CHI3L2: variants seen among roughly 807,000 people sequenced by gnomAD.
CHI3L2 encodes chitinase 3 like 2, also known as chitinase-3-like protein 2.
In CHI3L2, 47 loss-of-function variants were observed where a neutral mutation model predicts 47.3. The observed-to-expected ratio is 0.99, with a 90% confidence interval of 0.79 to 1.27. The LOEUF (loss-of-function observed/expected upper bound fraction) is 1.27. CHI3L2 is among the 50% of genes most tolerant of loss of function. The pLI, the probability that CHI3L2 is intolerant of heterozygous loss-of-function variation, is 0.00. For missense variants in CHI3L2, 497 were observed against 462.1 expected (o/e 1.08, Z -0.69); for synonymous variants, 198 against 169.9 (o/e 1.17, Z -1.28).
chr1:111,235,681 A>C lies in CHI3L2; in HGVS notation c.523A>C (p.Lys175Gln). The change falls in exon 6 of 11, where the codon AAG (lysine) becomes CAG (glutamine). Residue 175 changes from lysine to glutamine, a missense_variant. Transcript: ENST00000369748. ...AFQKDFTKST[K>Q]ERLLLTAGVS... ...TCAGAAGGACTTCACAAAATCCACCAAGGAAAGGCTTCTCTTGACTGCGGG... is the reference window on the plus strand; with the variant it reads ...TCAGAAGGACTTCACAAAATCCACCCAGGAAAGGCTTCTCTTGACTGCGGG... 6.2e-7 allele frequency: 1 copy of C among 1,614,210 alleles called. No individual in the cohort carries two copies. Among genetic ancestry groups the C allele is most frequent in the Non-Finnish European group, 8.5e-7 (1 of 1,180,016 alleles).
chr1:111,238,345 T>A (rs1659942808), intron 7 of CHI3L2, among the ~76,000 whole-genome samples: 2 of 152,186 alleles, frequency 1.3e-5, no homozygotes, highest in Admixed American at 1.3e-4. Flanking sequence ...GGGTGCAAGG[T>A]CATTGTGAGG....
intron 9 of CHI3L2, among the ~76,000 whole-genome samples, 162 bp downstream of exon 9, chr1:111,241,605 C>T (rs2182114): frequency 0.25 from 37,915 of 152,086 alleles, 5,582 homozygotes; most frequent in Non-Finnish European, 0.34. Flanking sequence ...CTCTATGTCA[C>T]ACCCGCGAGC....
At chr1:111,230,149 A>G (rs145482943) in intron 2 of CHI3L2, among the ~76,000 whole-genome samples, 4 of 152,248 alleles carry the variant, frequency 2.6e-5, no homozygotes, top group African/African-American at 9.6e-5. Flanking sequence ...TGTTTGTATT[A>G]TCTGTTTCTC....
At chr1:111,227,904 C>T (rs1659573102) in intron 1 of CHI3L2, 135 bp downstream of exon 1, 2 of 841,310 alleles carry the variant, frequency 2.4e-6, no homozygotes. Context: ...AAATTTCAAG[C>T]CAATGCAACT....
chr1:111,230,998 G>A (rs766506542), intron 3 of CHI3L2, 55 bp downstream of exon 3: 5 of 1,401,944 alleles, frequency 3.6e-6, no homozygotes, highest in Non-Finnish European at 5.0e-6. Context: ...AGGGAAGCTG[G>A]TCTTAAGCTG....
Position 111,235,706 on chromosome 1 carries a change from G to A in CHI3L2, c.548G>A (p.Gly183Asp), listed in dbSNP as rs151245802. The A allele has an allele frequency of 3.6e-4, 587 of 1,614,094 alleles. 1 individual carries two copies. Among genetic ancestry groups the A allele is most frequent in the Non-Finnish European group, 3.3e-4 (395 of 1,180,032 alleles). ...AAGGAAAGGCTTCTCTTGACTGCGG[G>A]CGTATCTGCAGGGAGGCAAATGATT... ...STKERLLLTA[G>D]VSAGRQMIDN... The change falls in exon 6 of 11, where the codon GGC becomes GAC. Residue 183 changes from glycine to aspartate, a missense_variant. Transcript: ENST00000369748.
In CHI3L2 at chr1:111,227,768, A is replaced by G. The variant is rs764064300; in HGVS notation, c.39A>G (p.Ala13=). The G allele has an allele frequency of 7.4e-6, 12 of 1,614,152 alleles. No individual in the cohort carries two copies. The South Asian group carries it at 1.3e-4, about 18-fold the overall frequency. Residue 13 remains alanine, a splice_region_variant and synonymous_variant, in exon 1 of 11, where the codon GCA becomes GCG. Coordinates refer to ENST00000369748, the MANE Select transcript of CHI3L2 (RefSeq NM_004000.3). ...CCATGGACCAGAAGTCTCTCTGGGC[A>G]GGTGAGCATGGGGTTGATAATTCAG... ...ATTMDQKSLW[A]GVVVLLLLQG...
At chr1:111,227,677 C>G, upstream of CHI3L2, 1 of 1,577,764 alleles carries the variant, frequency 6.3e-7, no homozygotes, top group Non-Finnish European at 8.7e-7. Context: ...GTCGAAACCT[C>G]AGTGGATAAA....
chr1:111,229,862 C>G lies in CHI3L2; in HGVS notation c.51C>G (p.Val17=), dbSNP rs781315999. The change falls in exon 2 of 11, where the codon GTC becomes GTG. Residue 17 remains valine (V), a synonymous_variant. Transcript: ENST00000369748. Reference sequence around the variant, plus strand: ...ACCCATCTATTGCAGGTGTAGTGGTCTTGCTGCTTCTCCAGGGAGGTAAGT... The same window carrying G: ...ACCCATCTATTGCAGGTGTAGTGGTGTTGCTGCTTCTCCAGGGAGGTAAGT... The part of the protein sequence containing the change: ...DQKSLWAGVV[V]LLLLQGGSAY... The G allele has an allele frequency of 1.2e-6, 2 of 1,613,836 alleles. No homozygotes were observed. Among genetic ancestry groups the G allele is most frequent in the Non-Finnish European group, 1.7e-6 (2 of 1,179,892 alleles).
At chr1:111,235,601 A>G (rs1659856296) in intron 5 of CHI3L2, 38 bp from the exon 6 acceptor site, 1 of 1,602,226 alleles carries the variant, frequency 6.2e-7, no homozygotes, top group Admixed American at 1.7e-5. Flanking sequence ...GTACTCTGGG[A>G]AGGGGAATAT....
At chr1:111,233,038 A>C (rs1421788125) in intron 4 of CHI3L2, among the ~76,000 whole-genome samples, 2 of 152,208 alleles carry the variant, frequency 1.3e-5, no homozygotes, top group Non-Finnish European at 2.9e-5. Context: ...AGGTATTGTA[A>C]GAGGTGAAAA....
intron 1 of CHI3L2, 44 bp from the exon 2 acceptor site, chr1:111,229,808 C>A (rs1223954179): frequency 6.2e-7 from 1 of 1,612,204 alleles, no homozygotes; most frequent in East Asian, 2.2e-5. Flanking sequence ...ACAGCAGAAC[C>A]AGGTTTGGCT....
At chr1:111,236,280 G>A (rs911334146) in intron 7 of CHI3L2, 127 bp downstream of exon 7, 4 of 1,005,968 alleles carry the variant, frequency 4.0e-6, no homozygotes, top group Non-Finnish European at 5.8e-6. Context: ...GAATTGGGTA[G>A]CCCCAGGAGC....
At chr1:111,231,318 G>A in intron 4 of CHI3L2, 24 bp downstream of exon 4, 1 of 1,536,162 alleles carries the variant, frequency 6.5e-7, no homozygotes, top group Non-Finnish European at 9.0e-7. Context: ...TTTATTTTTT[G>A]TTCATTTCCC....
At chr1:111,236,940 G>T (rs896285020) in intron 7 of CHI3L2, among the ~76,000 whole-genome samples, 5 of 152,130 alleles carry the variant, frequency 3.3e-5, no homozygotes, top group Admixed American at 6.5e-5. Context: ...GTTCAAAGTG[G>T]GTTTTTCTCG....
intron 10 of CHI3L2, among the ~76,000 whole-genome samples, 169 bp from the exon 11 acceptor site, chr1:111,243,048 C>A (rs1660108634): frequency 6.6e-6 from 1 of 152,316 alleles, no homozygotes; most frequent in African/African-American, 2.4e-5. Context: ...AGACAGACAA[C>A]TAAAAGACTG....
chr1:111,240,922 G>C (rs1419405488), intron 8 of CHI3L2, among the ~76,000 whole-genome samples: 1 of 152,106 alleles, frequency 6.6e-6, no homozygotes, highest in Non-Finnish European at 1.5e-5. Flanking sequence ...GCACTTTACT[G>C]TTTTCAAAAA....
At chr1:111,239,035 G>T (rs906970065) in intron 8 of CHI3L2, 103 bp downstream of exon 8, 7 of 1,175,116 alleles carry the variant, frequency 6.0e-6, no homozygotes, top group Non-Finnish European at 8.3e-6. Context: ...TTGCGAAGGG[G>T]AAAGGGCAGA....
At chr1:111,242,556 A>G in intron 10 of CHI3L2, 190 bp downstream of exon 10, 1 of 424,608 alleles carries the variant, frequency 2.4e-6, no homozygotes, top group Non-Finnish European at 4.0e-6. Context: ...TTTTAAAGTA[A>G]TAATAATAAT....
Sources: gnomAD v4.1 joint callset for allele counts (sites outside exome capture counted in the v4.1 genomes callset) on GRCh38, gnomAD v4.1.1 for gene constraint, MANE v1.5 for transcripts, NCBI Gene and HGNC (gene_info 2026-07-23, HGNC 2026-07-21) for gene names.